The following EFCAB6 variants were observed in gnomAD, a reference collection of about 807,000 sequenced individuals.
The protein encoded by EFCAB6 is EF-hand calcium binding domain 6, also known as EF-hand calcium-binding domain-containing protein 6.
EFCAB6 carries 156 observed loss-of-function variants against 169.8 expected under a neutral mutation model. The observed-to-expected ratio is 0.92, with a 90% CI of 0.81 to 1.05. The LOEUF (loss-of-function observed/expected upper bound fraction) is 1.05, where lower values mean the gene tolerates loss of function less well. Ranked by LOEUF, EFCAB6 falls within the 50% of genes least tolerant of loss-of-function variation. EFCAB6 has a pLI of 0.00. For missense variants in EFCAB6, 1,800 were observed against 1,829.1 expected (o/e 0.98, Z 0.29); for synonymous variants, 698 against 676.4 (o/e 1.03, Z -0.50).
Position 43,784,631 on chromosome 22 carries a change from A to ATGTG in EFCAB6, c.-7-2307_-7-2306insCACA, listed in dbSNP as rs370664362. On this transcript the variant is annotated intron_variant, in intron 2 of 31. Coordinates refer to ENST00000262726, the MANE Select transcript of EFCAB6 (RefSeq NM_022785.4). ...TATATGTGTATATATACACATATAT[A>ATGTG]TGTATATGTACACATATATATGTGT... Among the ~76,000 whole-genome samples, 42 of 42,372 alleles carry ATGTG rather than the reference A, an allele frequency of 9.9e-4. 2 individuals are homozygous for ATGTG. The highest frequency in any genetic ancestry group is 1.5e-3 in the Non-Finnish European group (32 of 21,376). The allele number at this position is 42,372 out of a possible 152,430, so 27.8% of individuals were successfully genotyped here.
chr22:43,795,342 TG>T lies in EFCAB6; in HGVS notation c.-7-13018del, dbSNP rs2062464671. On this transcript the variant is annotated intron_variant, in intron 2 of 31. Coordinates refer to ENST00000262726, the MANE Select transcript of EFCAB6 (RefSeq NM_022785.4). The surrounding 1 kb of genome is among the most constrained non-coding windows in gnomAD (Gnocchi z 4.2). Reference sequence around the variant, plus strand: ...AGAAGATATGACAAAAATTGCTACCTGGGGACGATGGAGACATTGATCTTTT... The same window carrying T: ...AGAAGATATGACAAAAATTGCTACCTGGGACGATGGAGACATTGATCTTTT... Among the ~76,000 whole-genome samples the T allele has an allele frequency of 6.6e-6, 1 of 152,186 alleles. No homozygotes were observed. Among genetic ancestry groups the T allele is most frequent in the Non-Finnish European group, 1.5e-5 (1 of 68,032 alleles).
chr22:43,667,064 C>T (rs2057295096), intron 17 of EFCAB6, 40 bp downstream of exon 17: 1 of 1,590,368 alleles, frequency 6.3e-7, no homozygotes, highest in Non-Finnish European at 8.6e-7. Flanking sequence ...AACAGCTGAA[C>T]TTCTGCAGGA....
intron 11 of EFCAB6, among the ~76,000 whole-genome samples, chr22:43,685,360 G>T (rs964193023): frequency 6.6e-6 from 1 of 152,152 alleles, no homozygotes; most frequent in African/African-American, 2.4e-5. Flanking sequence ...GGGAAGATTT[G>T]CCCTCAGTGT....
chr22:43,788,908 G>T (rs2062172721), intron 2 of EFCAB6, among the ~76,000 whole-genome samples: 1 of 152,198 alleles, frequency 6.6e-6, no homozygotes. Flanking sequence ...CCCTAAAAAG[G>T]AATGAAGTCC....
intron 6 of EFCAB6, among the ~76,000 whole-genome samples, chr22:43,743,015 G>GC (rs2060429797): frequency 6.6e-6 from 1 of 152,224 alleles, no homozygotes; most frequent in Non-Finnish European, 1.5e-5. Flanking sequence ...CATAAGCCAA[G>GC]CCCGTTACCT....
intron 17 of EFCAB6, among the ~76,000 whole-genome samples, chr22:43,641,159 A>G (rs1569301264): frequency 1.3e-5 from 2 of 152,220 alleles, no homozygotes; most frequent in Non-Finnish European, 1.5e-5. Flanking sequence ...GTTGAATAAG[A>G]AGAAGAGCAT....
intron 1 of EFCAB6, among the ~76,000 whole-genome samples, chr22:43,809,619 T>C (rs1211099207): frequency 6.6e-6 from 1 of 152,204 alleles, no homozygotes; most frequent in East Asian, 1.9e-4. Context: ...TGGTTTTGTC[T>C]GTTTTGAGAT....
intron 23 of EFCAB6, among the ~76,000 whole-genome samples, chr22:43,597,590 A>C (rs2052115908): frequency 6.6e-6 from 1 of 152,184 alleles, no homozygotes; most frequent in South Asian, 2.1e-4. Flanking sequence ...AAAAGACAAA[A>C]TATAAATGCT....
intron 26 of EFCAB6, among the ~76,000 whole-genome samples, chr22:43,567,052 C>A (rs1353495530): frequency 2.6e-5 from 4 of 152,144 alleles, no homozygotes; most frequent in South Asian, 2.1e-4. Context: ...AGACTCAGTG[C>A]AAGCTCATCA....
intron 10 of EFCAB6, among the ~76,000 whole-genome samples, chr22:43,699,922 T>G (rs915266313): frequency 1.3e-5 from 2 of 152,222 alleles, no homozygotes; most frequent in African/African-American, 4.8e-5. Flanking sequence ...GAAGACCTGC[T>G]CACATGATGG....
chr22:43,767,822 T>C (rs2061361635), intron 4 of EFCAB6, among the ~76,000 whole-genome samples: 1 of 34,454 alleles, frequency 2.9e-5, no homozygotes, highest in Admixed American at 2.8e-4. Context: ...ATTCTTGCGA[T>C]GATAGTCTCC....
At chr22:43,724,692 A>T (rs529667590) in intron 8 of EFCAB6, among the ~76,000 whole-genome samples, 1 of 152,126 alleles carries the variant, frequency 6.6e-6, no homozygotes, top group East Asian at 1.9e-4. Flanking sequence ...TTCTATCAAC[A>T]TTCTGGTCAC....
intron 27 of EFCAB6, among the ~76,000 whole-genome samples, chr22:43,549,390 A>G (rs1430038214): frequency 3.3e-5 from 5 of 152,216 alleles, no homozygotes; most frequent in Non-Finnish European, 7.3e-5. Context: ...GATTAAAAAG[A>G]TAACAGTACA....
At chr22:43,786,499 A>G (rs1488353018) in intron 2 of EFCAB6, among the ~76,000 whole-genome samples, 1 of 152,142 alleles carries the variant, frequency 6.6e-6, no homozygotes, top group Non-Finnish European at 1.5e-5. Context: ...AGGCAGGCAG[A>G]TCACGAGGTC....
chr22:43,749,526 C>G (rs1404221712), intron 6 of EFCAB6, among the ~76,000 whole-genome samples: 1 of 152,074 alleles, frequency 6.6e-6, no homozygotes, highest in African/African-American at 2.4e-5. Flanking sequence ...AGATGGTTCT[C>G]ATAAGGAGCG....
chr22:43,721,112 C>T (rs1158818819), intron 8 of EFCAB6, among the ~76,000 whole-genome samples: 1 of 152,100 alleles, frequency 6.6e-6, no homozygotes, highest in Non-Finnish European at 1.5e-5. Context: ...ATCAAGAATA[C>T]AATCCCACGT....
At chr22:43,793,839 C>T (rs565631595) in intron 2 of EFCAB6, among the ~76,000 whole-genome samples, 6 of 152,106 alleles carry the variant, frequency 3.9e-5, no homozygotes, top group Non-Finnish European at 7.4e-5. Context: ...AGAGCTATTC[C>T]ATTTGTAGAT....
chr22:43,571,140 A>G (rs1440451554), intron 26 of EFCAB6, among the ~76,000 whole-genome samples: 1 of 152,238 alleles, frequency 6.6e-6, no homozygotes. Context: ...AGGCTTAAGA[A>G]TAATAGGAGT....
chr22:43,667,839 T>C (rs1251350270), intron 16 of EFCAB6, among the ~76,000 whole-genome samples: 1 of 152,158 alleles, frequency 6.6e-6, no homozygotes, highest in Admixed American at 6.5e-5. Flanking sequence ...TGTCTGAGCA[T>C]GTGGGCGTGG....
Sources: gnomAD v4.1 joint callset for allele counts (sites outside exome capture counted in the v4.1 genomes callset) on GRCh38, gnomAD v4.1.1 for gene constraint, Gnocchi (gnomAD v3.1) non-coding constraint, MANE v1.5 for transcripts, NCBI Gene and HGNC (gene_info 2026-07-23, HGNC 2026-07-21) for gene names.